Variants in KCNG2 observed in about 807,000 individuals in gnomAD.
KCNG2 encodes the protein voltage-gated potassium channel regulatory subunit KCNG2.
In KCNG2, 7 loss-of-function variants were observed where a neutral mutation model predicts 12.3. That is an observed-to-expected ratio of 0.57 (90% CI 0.32 to 1.07). The LOEUF (loss-of-function observed/expected upper bound fraction) is 1.07, where lower values mean the gene tolerates loss of function less well. Among genes scored for constraint, KCNG2 ranks in the 50% least tolerant of loss-of-function variants. The probability of loss-of-function intolerance (pLI) is 0.04; values close to 1 mark genes in which losing one functional copy is unlikely to be tolerated. For synonymous variants in KCNG2, 414 were observed against 351.4 expected (o/e 1.18, Z -1.99); for missense variants, 703 against 726.0 (o/e 0.97, Z 0.36).
At chr18:79,883,383 G>C in intron 3 of KCNG2, among the ~76,000 whole-genome samples, 1 of 152,242 alleles carries the variant, frequency 6.6e-6, no homozygotes, top group African/African-American at 2.4e-5. Context: ...GCTGAGCTCT[G>C]ATGAGCGAGC....
chr18:79,867,873 G>C (rs550569243), intron 3 of KCNG2, among the ~76,000 whole-genome samples: 7 of 152,106 alleles, frequency 4.6e-5, no homozygotes, highest in Admixed American at 4.6e-4. Flanking sequence ...CAGAGCCCCT[G>C]CCTACCTGGG....
intron 1 of KCNG2, among the ~76,000 whole-genome samples, chr18:79,844,240 T>C (rs1978551321): frequency 6.6e-6 from 1 of 152,002 alleles, no homozygotes; most frequent in South Asian, 2.1e-4. Flanking sequence ...CAACAAAACA[T>C]CATTCAGCCT....
chr18:79,825,221 CA>C (rs889662682), intron 1 of KCNG2, among the ~76,000 whole-genome samples: 2 of 152,126 alleles, frequency 1.3e-5, no homozygotes, highest in African/African-American at 2.4e-5. Context: ...TCTGGGTTTT[CA>C]AATGTGTTTG....
intron 1 of KCNG2, among the ~76,000 whole-genome samples, chr18:79,841,852 G>T (rs150661917): frequency 7.9e-4 from 120 of 152,290 alleles, no homozygotes; most frequent in African/African-American, 2.7e-3. Context: ...AATAAGGAAA[G>T]ACTCATTGAA....
intron 1 of KCNG2, among the ~76,000 whole-genome samples, chr18:79,840,316 G>C (rs1978420554): frequency 6.6e-6 from 1 of 152,018 alleles, no homozygotes; most frequent in African/African-American, 2.4e-5. Context: ...CAATACACTA[G>C]CAAGACACAT....
In KCNG2 at chr18:79,842,048, G is replaced by A. The variant is rs143888222; in HGVS notation, c.-114-14331G>A. On this transcript the variant is annotated intron_variant, in intron 1 of 3. Transcript: ENST00000316249. The stretch of plus-strand genomic sequence containing the variant: ...TGCCAGGCTGGCCCCTGCAGACCCA[G>A]GTGCCAGGACTGCAGCTACAGGCCT... Among the ~76,000 whole-genome samples the A allele has an allele frequency of 4.6e-3, 705 of 152,292 alleles. 6 individuals carry two copies. Among genetic ancestry groups the A allele is most frequent in the African/African-American group, 0.016 (655 of 41,562 alleles).
chr18:79,825,718 C>T (rs549557578), intron 1 of KCNG2, among the ~76,000 whole-genome samples: 1 of 152,338 alleles, frequency 6.6e-6, no homozygotes, highest in East Asian at 1.9e-4. Context: ...TCTGTAAAAA[C>T]CCGTCAGATG....
chr18:79,852,304 A>G (rs1425964583), intron 1 of KCNG2, among the ~76,000 whole-genome samples: 1 of 152,230 alleles, frequency 6.6e-6, no homozygotes, highest in African/African-American at 2.4e-5. Context: ...CGCGCCATCT[A>G]TCTCCAGCAG....
intron 3 of KCNG2, among the ~76,000 whole-genome samples, chr18:79,898,343 C>G (rs1394835824): frequency 6.6e-6 from 1 of 152,202 alleles, no homozygotes; most frequent in Non-Finnish European, 1.5e-5. Context: ...ATTGGCCTCT[C>G]CTGGCCTGGA....
intron 1 of KCNG2, among the ~76,000 whole-genome samples, chr18:79,810,364 G>C (rs1192640679): frequency 1.3e-5 from 2 of 152,202 alleles, no homozygotes; most frequent in African/African-American, 4.8e-5. Context: ...GGTTTGCTGG[G>C]GGCTGCCCAG....
chr18:79,872,295 T>TTTTTTTG (rs1979878857), intron 3 of KCNG2, among the ~76,000 whole-genome samples: 1 of 130,932 alleles, frequency 7.6e-6, no homozygotes, highest in Admixed American at 8.1e-5. Flanking sequence ...TTTTTTTTTT[T>TTTTTTTG]TTTTTTTTGA....
intron 3 of KCNG2, among the ~76,000 whole-genome samples, chr18:79,883,959 C>A (rs1025283250): frequency 6.6e-6 from 1 of 152,182 alleles, no homozygotes; most frequent in Non-Finnish European, 1.5e-5. Flanking sequence ...GCCCACTGAC[C>A]CCCAACTCGG....
At chr18:79,882,152 C>T (rs1181794502) in intron 3 of KCNG2, among the ~76,000 whole-genome samples, 1 of 152,166 alleles carries the variant, frequency 6.6e-6, no homozygotes, top group Non-Finnish European at 1.5e-5. Flanking sequence ...GGAAGGAGTT[C>T]CCAGACGTGG....
At chr18:79,823,196 C>T (rs1051793137) in intron 1 of KCNG2, among the ~76,000 whole-genome samples, 1 of 152,188 alleles carries the variant, frequency 6.6e-6, no homozygotes, top group African/African-American at 2.4e-5. Flanking sequence ...CCTTACAGAC[C>T]TTCCTCCTTC....
At chr18:79,836,019 A>G (rs576715) in intron 1 of KCNG2, among the ~76,000 whole-genome samples, 137,828 of 152,262 alleles carry the variant, frequency 0.91, 64,026 homozygotes, top group East Asian at 1. Flanking sequence ...AAGTCCTAAC[A>G]TACAAATAAT....
At chr18:79,798,796 C>T (rs893011854) in intron 1 of KCNG2, among the ~76,000 whole-genome samples, 2 of 152,210 alleles carry the variant, frequency 1.3e-5, no homozygotes, top group Admixed American at 1.3e-4. Flanking sequence ...GCGGGGCTCC[C>T]GGGTTCGGAT....
At chr18:79,820,986 T>C (rs757283288) in intron 1 of KCNG2, among the ~76,000 whole-genome samples, 2 of 152,212 alleles carry the variant, frequency 1.3e-5, no homozygotes, top group Non-Finnish European at 2.9e-5. Context: ...TGTCTTTAGT[T>C]ACTGAGTTAG....
intron 1 of KCNG2, among the ~76,000 whole-genome samples, chr18:79,830,922 C>T (rs112118636): frequency 1.2e-5 from 1 of 84,918 alleles, no homozygotes; most frequent in Non-Finnish European, 2.5e-5. Flanking sequence ...ACAGAGCCTT[C>T]GTCAGGAGGG....
At chr18:79,804,229 A>C (rs1248352868) in intron 1 of KCNG2, among the ~76,000 whole-genome samples, 2 of 152,248 alleles carry the variant, frequency 1.3e-5, no homozygotes, top group Non-Finnish European at 2.9e-5. Context: ...AGGGCATTTG[A>C]GAGCGTGTTC....
Sources: allele counts gnomAD v4.1 joint callset (sites outside exome capture counted in the v4.1 genomes callset), GRCh38; gene constraint gnomAD v4.1.1; transcripts MANE v1.5; gene names NCBI Gene and HGNC (gene_info 2026-07-23, HGNC 2026-07-21).